ST6GALNAC3: variants seen among roughly 807,000 people sequenced by gnomAD.
ST6GALNAC3 encodes the protein alpha-N-acetylgalactosaminide alpha-2,6-sialyltransferase 3.
ST6GALNAC3 carries 25 observed loss-of-function variants against 32.7 expected under a neutral mutation model. That is an observed-to-expected ratio of 0.76 (90% CI 0.56 to 1.07). The LOEUF (loss-of-function observed/expected upper bound fraction) is 1.07, where lower values mean the gene tolerates loss of function less well. Ranked by LOEUF, ST6GALNAC3 falls within the 50% of genes least tolerant of loss-of-function variation. The pLI is 0.00. For synonymous variants in ST6GALNAC3, 129 were observed against 133.1 expected (o/e 0.97, Z 0.21); for missense variants, 355 against 382.4 (o/e 0.93, Z 0.60).
At chr1:76,173,452 A>C (rs926335691) in intron 1 of ST6GALNAC3, among the ~76,000 whole-genome samples, 1 of 152,254 alleles carries the variant, frequency 6.6e-6, no homozygotes, top group Admixed American at 6.5e-5. Flanking sequence ...AAAATGCCAA[A>C]AGCAATTGCA....
intron 1 of ST6GALNAC3, among the ~76,000 whole-genome samples, chr1:76,252,743 A>G (rs1450500036): frequency 6.6e-6 from 1 of 152,170 alleles, no homozygotes; most frequent in Non-Finnish European, 1.5e-5. Flanking sequence ...CTGTTATTAC[A>G]TTTAAGAATC....
intron 1 of ST6GALNAC3, among the ~76,000 whole-genome samples, chr1:76,280,661 G>C (rs1436914836): frequency 1.3e-5 from 2 of 152,192 alleles, no homozygotes; most frequent in Non-Finnish European, 2.9e-5. Flanking sequence ...AATGGGCATA[G>C]AATTTAGAAT....
intron 1 of ST6GALNAC3, among the ~76,000 whole-genome samples, chr1:76,119,762 G>T (rs551690584): frequency 2.7e-5 from 2 of 73,704 alleles, no homozygotes; most frequent in South Asian, 8.9e-4. Flanking sequence ...TCCTATGCTA[G>T]GTGCCCTCCA....
At chr1:76,344,902 GC>G (rs1304624643) in intron 2 of ST6GALNAC3, among the ~76,000 whole-genome samples, 2 of 152,010 alleles carry the variant, frequency 1.3e-5, no homozygotes. Context: ...CCCTGTTGGC[GC>G]CCCCCAACCA....
At chr1:76,299,135 G>A (rs1383156666) in intron 1 of ST6GALNAC3, among the ~76,000 whole-genome samples, 3 of 152,056 alleles carry the variant, frequency 2.0e-5, no homozygotes, top group East Asian at 3.9e-4. Context: ...AGCAAATGCT[G>A]TTTTTAAGTG....
chr1:76,624,744 T>TAAAGGAGGGAA (rs968936551), intron 3 of ST6GALNAC3, among the ~76,000 whole-genome samples: 1 of 151,874 alleles, frequency 6.6e-6, no homozygotes. Context: ...AGTGGCAGTG[T>TAAAGGAGGGAA]AAAGGAGGGA....
At chr1:76,165,648 A>T (rs1652075346) in intron 1 of ST6GALNAC3, among the ~76,000 whole-genome samples, 1 of 152,138 alleles carries the variant, frequency 6.6e-6, no homozygotes, top group South Asian at 2.1e-4. Context: ...GTGTATAACC[A>T]TTCCTTTTTC....
chr1:76,398,883 T>C (rs1332131427), intron 2 of ST6GALNAC3, among the ~76,000 whole-genome samples: 1 of 152,188 alleles, frequency 6.6e-6, no homozygotes, highest in East Asian at 1.9e-4. Flanking sequence ...TTAAACACTT[T>C]AACTTTTAAT....
intron 1 of ST6GALNAC3, among the ~76,000 whole-genome samples, chr1:76,303,783 C>T (rs1287471807): frequency 6.6e-6 from 1 of 152,064 alleles, no homozygotes; most frequent in Non-Finnish European, 1.5e-5. Context: ...TTGCTCCAAG[C>T]AGGTTTACTA....
intron 1 of ST6GALNAC3, chr1:76,313,602 G>C (rs549020576): frequency 2.9e-6 from 2 of 688,004 alleles, no homozygotes; most frequent in South Asian, 3.0e-5. Context: ...CAAGAAAGCA[G>C]CTCTGCTTGC....
At chr1:76,596,727 T>G (rs1363408829) in intron 3 of ST6GALNAC3, among the ~76,000 whole-genome samples, 1 of 152,170 alleles carries the variant, frequency 6.6e-6, no homozygotes, top group Non-Finnish European at 1.5e-5. Context: ...AGCCTGGGAC[T>G]TTTCTCTACA....
chr1:76,401,563 G>A (rs150957601), intron 2 of ST6GALNAC3, among the ~76,000 whole-genome samples: 124 of 152,118 alleles, frequency 8.2e-4, no homozygotes, highest in African/African-American at 2.8e-3. Flanking sequence ...GTTTTTAATT[G>A]TGTATGGGGC....
intron 3 of ST6GALNAC3, among the ~76,000 whole-genome samples, chr1:76,511,143 T>C (rs997435030): frequency 2.6e-5 from 4 of 152,118 alleles, no homozygotes; most frequent in African/African-American, 9.7e-5. Flanking sequence ...CTATCTAGTG[T>C]CCCTGCCCTC....
intron 1 of ST6GALNAC3, among the ~76,000 whole-genome samples, chr1:76,259,962 A>G (rs376201621): frequency 1.3e-5 from 2 of 151,938 alleles, no homozygotes; most frequent in African/African-American, 2.4e-5. Flanking sequence ...CTTCTTTTCC[A>G]TCTCTCTTGC....
At position 76,114,188 on chromosome 1, in the gene ST6GALNAC3, C is replaced by A. The variant is rs191536385; in HGVS notation, c.18+39304C>A. ...CTAAAACAGCATGCATTACCTAATC[C>A]CAGGTGGTTAAAAAAATGTATATAT... is the stretch of plus-strand genomic sequence containing the variant. On this transcript the variant is annotated intron_variant, in intron 1 of 4. Coordinates refer to ENST00000328299, the MANE Select transcript of ST6GALNAC3 (RefSeq NM_152996.4). 2.7e-3 allele frequency among the ~76,000 whole-genome samples: 412 copies of A among 151,954 alleles called. 1 individual carries two copies. Among genetic ancestry groups the A allele is most frequent in the Middle Eastern group, 0.024 (7 of 294 alleles).
In ST6GALNAC3 at chr1:76,237,169, C is replaced by T. The variant is rs560547896; in HGVS notation, c.19-76636C>T. On this transcript the variant is annotated intron_variant, in intron 1 of 4. Coordinates refer to ENST00000328299, the MANE Select transcript of ST6GALNAC3 (RefSeq NM_152996.4). The stretch of plus-strand genomic sequence containing the variant: ...TGAAGAATTCTGTTTTTTATATTCT[C>T]CCCACCCAGGCAAGAGTGCAGTGGC... 4.6e-5 allele frequency among the ~76,000 whole-genome samples: 7 copies of T among 152,288 alleles called. No homozygotes were observed. In the South Asian group the frequency reaches 1.2e-3, roughly 27 times the overall value.
At chr1:76,395,106 A>C (rs538253408) in intron 2 of ST6GALNAC3, among the ~76,000 whole-genome samples, 1 of 152,300 alleles carries the variant, frequency 6.6e-6, no homozygotes, top group African/African-American at 2.4e-5. Flanking sequence ...CTACTGCTCT[A>C]TCAAAATTAT....
chr1:76,127,563 G>A (rs927122130), intron 1 of ST6GALNAC3, among the ~76,000 whole-genome samples: 1 of 152,138 alleles, frequency 6.6e-6, no homozygotes, highest in Non-Finnish European at 1.5e-5. Context: ...CATTTATTAT[G>A]TGCTTCTGGC....
At chr1:76,438,278 A>G (rs1375897846) in intron 3 of ST6GALNAC3, among the ~76,000 whole-genome samples, 2 of 151,800 alleles carry the variant, frequency 1.3e-5, no homozygotes, top group Non-Finnish European at 2.9e-5. Context: ...CAGCCTCCTG[A>G]GTAGCTGGGA....
Sources: allele counts gnomAD v4.1 joint callset (sites outside exome capture counted in the v4.1 genomes callset), GRCh38; gene constraint gnomAD v4.1.1; transcripts MANE v1.5; gene names NCBI Gene and HGNC (gene_info 2026-07-23, HGNC 2026-07-21).